ANKDD1A: variants seen among roughly 807,000 people sequenced by gnomAD.
ANKDD1A encodes ankyrin repeat and death domain containing 1A.
ANKDD1A carries 59 observed loss-of-function variants against 63.5 expected under a neutral mutation model. The observed-to-expected ratio is 0.93, with a 90% CI of 0.75 to 1.15. The LOEUF (loss-of-function observed/expected upper bound fraction) is 1.15. ANKDD1A is among the 50% of genes most tolerant of loss of function. The probability of loss-of-function intolerance (pLI) is 0.00; values close to 1 mark genes in which losing one functional copy is unlikely to be tolerated. For missense variants in ANKDD1A, 632 were observed against 656.4 expected (o/e 0.96, Z 0.41); for synonymous variants, 266 against 263.9 (o/e 1.01, Z -0.08).
chr15:64,947,723 A>G (rs2085235180), intron 13 of ANKDD1A, 130 bp downstream of exon 13: 5 of 1,113,854 alleles, frequency 4.5e-6, no homozygotes, highest in Non-Finnish European at 5.1e-6. Context: ...ACACTGTCCA[A>G]CACACCTGGT....
At chr15:64,912,375 A>G (rs1324325293) in intron 1 of ANKDD1A, among the ~76,000 whole-genome samples, 1 of 152,190 alleles carries the variant, frequency 6.6e-6, no homozygotes, top group Non-Finnish European at 1.5e-5. Context: ...TGTTCAAATG[A>G]GTTGTTCAAG....
chr15:64,953,955 G>A, intron 14 of ANKDD1A, among the ~76,000 whole-genome samples: 1 of 6,316 alleles, frequency 1.6e-4, no homozygotes, highest in Non-Finnish European at 4.6e-4. Flanking sequence ...TTCTTCTATT[G>A]TTTCTTTTTT....
chr15:64,954,449 TCTTCTTCCCTCTTCTC>T (rs1294396300), intron 14 of ANKDD1A, among the ~76,000 whole-genome samples: 3 of 135,310 alleles, frequency 2.2e-5, no homozygotes, highest in Admixed American at 2.2e-4. Flanking sequence ...TTCTCCTTCT[TCTTCTTCCCTCTTCTC>T]CTTCTTCCTC....
rs1331585627 is a variant in ANKDD1A at position 64,931,578 on chromosome 15, T to G, written c.761T>G (p.Leu254Arg). The G allele has an allele frequency of 6.2e-7, 1 of 1,613,930 alleles. No homozygotes were observed. The highest frequency in any genetic ancestry group is 2.2e-5 in the East Asian group (1 of 44,882). The change falls in exon 8 of 15, where the codon CTC becomes CGC. Residue 254 changes from leucine to arginine, a missense_variant. Physicochemically the swap from Leu to Arg is moderately radical, Grantham distance 102. Transcript: ENST00000319580. ...LLRAGSTVNA[L>R]TQKNLSCLHY... ...AGGGCTGGGAGCACCGTGAATGCCC[T>G]CACCCAGGTAGCCAGGCCCTCCCAA...
intron 4 of ANKDD1A, chr15:64,922,342 T>C (rs1332173663): frequency 1.1e-5 from 3 of 277,502 alleles, no homozygotes; most frequent in Non-Finnish European, 2.1e-5. Context: ...CTCAGTGCGG[T>C]GGGGTGAAAG....
At chr15:64,939,633 A>C (rs746260859) in intron 9 of ANKDD1A, among the ~76,000 whole-genome samples, 2 of 152,136 alleles carry the variant, frequency 1.3e-5, no homozygotes, top group Non-Finnish European at 2.9e-5. Flanking sequence ...AAAAGCAAAA[A>C]AAATATAAAG....
intron 14 of ANKDD1A, among the ~76,000 whole-genome samples, chr15:64,952,118 TCTTCTCTTTC>T (rs1595858992): frequency 4.0e-4 from 5 of 12,496 alleles, no homozygotes; most frequent in Admixed American, 1.6e-3. Context: ...TCTTCTTCTT[TCTTCTCTTTC>T]TTCTTCTTCC....
chr15:64,921,022 G>A (rs112792925), intron 3 of ANKDD1A, among the ~76,000 whole-genome samples: 1 of 152,274 alleles, frequency 6.6e-6, no homozygotes, highest in African/African-American at 2.4e-5. Flanking sequence ...CAAGGCTGGA[G>A]TGCAGTGGTG....
chr15:64,954,724 C>CCTT (rs2085396124), intron 14 of ANKDD1A, among the ~76,000 whole-genome samples: 1 of 93,458 alleles, frequency 1.1e-5, no homozygotes, highest in Non-Finnish European at 2.2e-5. Context: ...TCCTTCTCCT[C>CCTT]CTCCTTCTTC....
intron 14 of ANKDD1A, among the ~76,000 whole-genome samples, chr15:64,954,689 C>G (rs1201295917): frequency 6.9e-6 from 1 of 145,756 alleles, no homozygotes; most frequent in Non-Finnish European, 1.5e-5. Context: ...TTCTCTCCTT[C>G]TCCTTGTTCT....
Position 64,951,317 on chromosome 15 carries a change from T to TTTTCTTTTC in ANKDD1A, c.1483+1347_1483+1348insTCTTTTCTT, listed in dbSNP as rs1269737581. 1.7e-4 allele frequency: 122 copies of TTTTCTTTTC among 736,166 alleles called. 2 individuals are homozygous for TTTTCTTTTC. In the South Asian group the frequency reaches 5.9e-3, roughly 36 times the overall value. 45.6% of individuals were successfully genotyped at this position (736,166 alleles called of 1,614,324 possible). On this transcript the variant is annotated intron_variant, in intron 14 of 14. Coordinates refer to ENST00000319580, the MANE Select transcript of ANKDD1A (RefSeq NM_182703.6). Reference sequence around the variant, plus strand: ...TCTTCTTCTTCTTCTCTTCTTCTTCTTTCTTCTTTCCTCTTTTTCTTTCTT... The same window carrying TTTTCTTTTC: ...TCTTCTTCTTCTTCTCTTCTTCTTCTTTTCTTTTCTTCTTCTTTCCTCTTTTTCTTTCTT...
intron 14 of ANKDD1A, chr15:64,951,096 T>A: frequency 2.6e-5 from 31 of 1,181,622 alleles, no homozygotes; most frequent in Non-Finnish European, 3.3e-5. Flanking sequence ...ATTTAAGGGC[T>A]TTTTAAAAAA....
At chr15:64,942,956 C>T (rs868159904) in intron 10 of ANKDD1A, among the ~76,000 whole-genome samples, 26 of 152,294 alleles carry the variant, frequency 1.7e-4, no homozygotes, top group Middle Eastern at 3.4e-3. Flanking sequence ...ATCCTGTCCC[C>T]ACAATCTACC....
chr15:64,921,802 G>C, intron 3 of ANKDD1A, 119 bp from the exon 4 acceptor site: 1 of 799,754 alleles, frequency 1.3e-6, no homozygotes, highest in South Asian at 1.8e-5. Flanking sequence ...GAGCTCCCTG[G>C]ATTAAGTGGC....
intron 14 of ANKDD1A, among the ~76,000 whole-genome samples, chr15:64,955,182 T>C (rs985608561): frequency 3.3e-5 from 5 of 151,980 alleles, no homozygotes; most frequent in Non-Finnish European, 7.4e-5. Context: ...GCCTCCTGAG[T>C]AGCTGGGACT....
In ANKDD1A at chr15:64,926,881, C is replaced by T. The variant is rs1350640447; in HGVS notation, c.472-20C>T. ...ACTGACAGAGTGAGGAAGGCTCACA[C>T]CGCTTCTCCTCCCGGCCAGCTGGGG... On this transcript the variant is annotated intron_variant, in intron 5 of 14. Coordinates refer to ENST00000319580, the MANE Select transcript of ANKDD1A (RefSeq NM_182703.6). 2 of 1,613,548 alleles carry T rather than the reference C, an allele frequency of 1.2e-6. No homozygotes were observed. The highest frequency in any genetic ancestry group is 1.7e-5 in the Admixed American group (1 of 60,002).
At chr15:64,955,040 TTTCTTTCTTTC>T (rs2085405704) in intron 14 of ANKDD1A, among the ~76,000 whole-genome samples, 1 of 8,226 alleles carries the variant, frequency 1.2e-4, no homozygotes, top group Non-Finnish European at 3.1e-4. Flanking sequence ...CTTCTTCTTC[TTTCTTTCTTTC>T]TTCTTCTTTT....
intron 2 of ANKDD1A, 27 bp downstream of exon 2, chr15:64,915,927 G>A (rs779090397): frequency 1.2e-6 from 2 of 1,604,520 alleles, no homozygotes; most frequent in South Asian, 1.1e-5. Flanking sequence ...TCTGAATCCA[G>A]GCACCTGGGA....
chr15:64,943,811 G>T lies in ANKDD1A; in HGVS notation c.1065+229G>T, dbSNP rs2085203854. On this transcript the variant is annotated intron_variant, in intron 11 of 14. Coordinates refer to ENST00000319580, the MANE Select transcript of ANKDD1A (RefSeq NM_182703.6). Reference sequence around the variant, plus strand: ...CTTGGCCCACCCCCCTCTGGTATAGGCCTGTGAAATGATTGCTTTCTCCTT... The same window carrying T: ...CTTGGCCCACCCCCCTCTGGTATAGTCCTGTGAAATGATTGCTTTCTCCTT... 5 of 558,016 alleles carry T rather than the reference G, an allele frequency of 9.0e-6. No individual in the cohort carries two copies. The East Asian group carries it at 1.5e-4, about 17-fold the overall frequency. The allele number at this position is 558,016 out of a possible 1,614,324, so 34.6% of individuals were successfully genotyped here.
Sources: allele counts gnomAD v4.1 joint callset (sites outside exome capture counted in the v4.1 genomes callset), GRCh38; gene constraint gnomAD v4.1.1; transcripts MANE v1.5; gene names NCBI Gene and HGNC (gene_info 2026-07-23, HGNC 2026-07-21).